DHRS3: variants seen among roughly 807,000 people sequenced by gnomAD.
The protein encoded by DHRS3 is short-chain dehydrogenase/reductase 3.
DHRS3 carries 14 observed loss-of-function variants against 27.2 expected under a neutral mutation model. The observed-to-expected ratio is 0.52, with a 90% CI of 0.34 to 0.81. The LOEUF (loss-of-function observed/expected upper bound fraction) is 0.81, where lower values mean the gene tolerates loss of function less well. Among genes scored for constraint, DHRS3 ranks in the 30% least tolerant of loss-of-function variants. DHRS3 has a pLI of 0.01. For synonymous variants in DHRS3, 165 were observed against 175.9 expected, an observed-to-expected ratio of 0.94 and a Z score of 0.49; for missense variants, 322 against 406.2, an observed-to-expected ratio of 0.79 and a Z score of 1.78.
In DHRS3 at chr1:12,591,498, C is replaced by T. The variant is rs1646745307; in HGVS notation, c.196-10832G>A. On this transcript the variant is annotated intron_variant, in intron 1 of 5. Coordinates refer to ENST00000616661, the MANE Select transcript of DHRS3 (RefSeq NM_004753.7). This position sits in a 1 kb window ranked among gnomAD's most constrained non-coding sequence, Gnocchi z 4.1. ...CCCTCCCACAAGTCCCTGACCGCAA[C>T]CTGGAGCAGGGCAGAGACTTCCTCC... Among the ~76,000 whole-genome samples the T allele has an allele frequency of 6.6e-6, 1 of 152,230 alleles. No individual in the cohort carries two copies. Among genetic ancestry groups the T allele is most frequent in the South Asian group, 2.1e-4 (1 of 4,822 alleles).
intron 1 of DHRS3, among the ~76,000 whole-genome samples, chr1:12,601,262 A>T (rs1057091061): frequency 1.3e-5 from 2 of 152,080 alleles, no homozygotes; most frequent in Admixed American, 6.5e-5. Flanking sequence ...GAGTCTGGCC[A>T]TGACCCACAG....
chr1:12,600,350 T>C (rs144146867), intron 1 of DHRS3: 12,722 of 985,354 alleles, frequency 0.013, 99 homozygotes, highest in Non-Finnish European at 0.014. Flanking sequence ...ATGTGCCCAG[T>C]CCACACTGAC....
intron 1 of DHRS3, among the ~76,000 whole-genome samples, chr1:12,587,779 C>T (rs1345080051): frequency 6.6e-6 from 1 of 152,170 alleles, no homozygotes; most frequent in East Asian, 1.9e-4. Context: ...GTAAAAGCTT[C>T]CCCATGGATC....
At chr1:12,600,855 T>C (rs929087752) in intron 1 of DHRS3, among the ~76,000 whole-genome samples, 1 of 152,300 alleles carries the variant, frequency 6.6e-6, no homozygotes, top group South Asian at 2.1e-4. Flanking sequence ...AAAGTCAGTC[T>C]GTTGACAACC....
intron 1 of DHRS3, among the ~76,000 whole-genome samples, chr1:12,609,982 T>C (rs1557533201): frequency 1.3e-5 from 2 of 152,188 alleles, no homozygotes; most frequent in Non-Finnish European, 1.5e-5. Flanking sequence ...GCCTTCCTTA[T>C]ACCCTACCTA....
chr1:12,610,244 ATTT>A (rs113026130), intron 1 of DHRS3, among the ~76,000 whole-genome samples: 1 of 142,500 alleles, frequency 7.0e-6, no homozygotes, highest in Non-Finnish European at 1.5e-5. Context: ...ATGCCCAGCA[ATTT>A]TTTTTTTTTT....
At chr1:12,580,470 G>A (rs772402875) in intron 2 of DHRS3, 53 bp downstream of exon 2, 245 of 1,612,990 alleles carry the variant, frequency 1.5e-4, no homozygotes, top group Non-Finnish European at 9.0e-5. Context: ...CTCTTTGCCC[G>A]GAATTAGCCT....
chr1:12,599,118 A>C (rs908257293), intron 1 of DHRS3, among the ~76,000 whole-genome samples: 5 of 152,254 alleles, frequency 3.3e-5, no homozygotes, highest in African/African-American at 1.2e-4. Context: ...TAGCTATCCT[A>C]CAGGCTATTA....
At chr1:12,605,735 C>T (rs1646866207) in intron 1 of DHRS3, among the ~76,000 whole-genome samples, 1 of 152,090 alleles carries the variant, frequency 6.6e-6, no homozygotes, top group South Asian at 2.1e-4. Flanking sequence ...CATAAATTCT[C>T]CTAAAACTGA....
At chr1:12,611,053 G>A (rs1483315917) in intron 1 of DHRS3, among the ~76,000 whole-genome samples, 1 of 152,180 alleles carries the variant, frequency 6.6e-6, no homozygotes, top group Non-Finnish European at 1.5e-5. Context: ...AAATACAGCC[G>A]AGATCACTTT....
intron 1 of DHRS3, chr1:12,596,385 C>G (rs536775206): frequency 6.6e-6 from 1 of 152,370 alleles, no homozygotes; most frequent in East Asian, 1.9e-4. Flanking sequence ...TGGGGAGGTG[C>G]CTGCCTTTGC....
chr1:12,572,688 A>G (rs1205003554), intron 5 of DHRS3, 40 bp downstream of exon 5: 1 of 1,557,652 alleles, frequency 6.4e-7, no homozygotes, highest in Non-Finnish European at 8.7e-7. Flanking sequence ...TCACATGCGT[A>G]CTTTCCCCTG....
At chr1:12,612,532 C>G (rs559528097) in intron 1 of DHRS3, among the ~76,000 whole-genome samples, 2 of 152,286 alleles carry the variant, frequency 1.3e-5, no homozygotes, top group South Asian at 4.1e-4. Context: ...TTCTTCAAGG[C>G]TCAGTCGAAT....
At chr1:12,614,867 T>C (rs540379145) in intron 1 of DHRS3, among the ~76,000 whole-genome samples, 92 of 152,282 alleles carry the variant, frequency 6.0e-4, no homozygotes, top group African/African-American at 2.1e-3. Flanking sequence ...ATGTCATCTG[T>C]GGTTCCACAC....
intron 1 of DHRS3, among the ~76,000 whole-genome samples, chr1:12,584,796 T>G (rs554222189): frequency 3.4e-4 from 52 of 152,332 alleles, no homozygotes; most frequent in African/African-American, 1.2e-3. Flanking sequence ...AGGCTCTGGC[T>G]GCTGTGCGCA....
chr1:12,617,234 C>T lies in DHRS3; in HGVS notation c.115G>A (p.Glu39Lys). Residue 39 changes from glutamate to lysine, a missense_variant, in exon 1 of 6, where the codon GAG becomes AAG. By Grantham distance (56) the Glu-to-Lys change is moderately conservative. Coordinates refer to ENST00000616661, the MANE Select transcript of DHRS3 (RefSeq NM_004753.7). ...CCGCCGCCGGTGATGAGGACGTTCTCCCGCGACAGGTCCCGCAGCTTGGCG... is the reference window on the plus strand; with the variant it reads ...CCGCCGCCGGTGATGAGGACGTTCTTCCGCGACAGGTCCCGCAGCTTGGCG... ...LPAKLRDLSR[E>K]NVLITGGGRG... The T allele has an allele frequency of 2.5e-6, 4 of 1,613,740 alleles. No homozygotes were observed. The South Asian group carries it at 4.4e-5, about 18-fold the overall frequency.
rs576690514 is a variant in DHRS3 at position 12,595,604 on chromosome 1, G to A, written c.196-14938C>T. Among the ~76,000 whole-genome samples the A allele has an allele frequency of 2.0e-4, 30 of 150,558 alleles. No homozygotes were observed. In the South Asian group the frequency reaches 4.3e-3, roughly 21 times the overall value. On this transcript the variant is annotated intron_variant, in intron 1 of 5. Transcript: ENST00000616661. The stretch of plus-strand genomic sequence containing the variant: ...ACTGGGTGGAGCGGGTGAGGAGGGG[G>A]CCAGGTGGTGTCCCGGGAGCAGATA...
At chr1:12,613,575 G>A (rs992646291) in intron 1 of DHRS3, among the ~76,000 whole-genome samples, 3 of 152,222 alleles carry the variant, frequency 2.0e-5, no homozygotes, top group African/African-American at 7.2e-5. Flanking sequence ...CTTGCTGAAT[G>A]GAAGTGCTGG....
chr1:12,612,733 G>A (rs539495697), intron 1 of DHRS3, among the ~76,000 whole-genome samples: 1 of 152,288 alleles, frequency 6.6e-6, no homozygotes, highest in South Asian at 2.1e-4. Context: ...GATTTAGTGT[G>A]TGCCCTGAAT....
Sources: gnomAD v4.1 joint callset for allele counts (sites outside exome capture counted in the v4.1 genomes callset) on GRCh38, gnomAD v4.1.1 for gene constraint, Gnocchi (gnomAD v3.1) non-coding constraint, MANE v1.5 for transcripts, NCBI Gene and HGNC (gene_info 2026-07-23, HGNC 2026-07-21) for gene names.